SHC4: variants seen among roughly 807,000 people sequenced by gnomAD.
The protein encoded by SHC4 is SHC adaptor protein 4.
SHC4 carries 41 observed loss-of-function variants against 69.4 expected under a neutral mutation model. That is an observed-to-expected ratio of 0.59 (90% CI 0.46 to 0.77). The LOEUF is 0.77. SHC4 is among the 30% of genes least tolerant of loss of function. The pLI, the probability that SHC4 is intolerant of heterozygous loss-of-function variation, is 0.00. For missense variants in SHC4, 777 were observed against 783.8 expected (o/e 0.99, Z 0.10); for synonymous variants, 318 against 299.3 (o/e 1.06, Z -0.64).
chr15:48,894,224 T>C (rs187374423), intron 2 of SHC4, among the ~76,000 whole-genome samples: 33 of 152,284 alleles, frequency 2.2e-4, no homozygotes, highest in African/African-American at 7.5e-4. Context: ...CCTGTGTCAA[T>C]AGTAATATAG....
At chr15:48,917,649 G>A (rs1380306551) in intron 2 of SHC4, among the ~76,000 whole-genome samples, 2 of 152,274 alleles carry the variant, frequency 1.3e-5, no homozygotes, top group East Asian at 3.9e-4. Context: ...AGGAACAACA[G>A]TAAAAGCCAT....
In SHC4 at chr15:48,927,997, T is replaced by C. The variant is rs1335283934; in HGVS notation, c.586-3048A>G. On this transcript the variant is annotated intron_variant, in intron 1 of 11. Transcript: ENST00000332408. Reference sequence around the variant, plus strand: ...TGCCTAGGATCTGGTGGGCACTCGATAAACACTTGTTGAAAGAATGAATGA... The same window carrying C: ...TGCCTAGGATCTGGTGGGCACTCGACAAACACTTGTTGAAAGAATGAATGA... Among the ~76,000 whole-genome samples the C allele has an allele frequency of 3.9e-5, 6 of 152,308 alleles. 1 individual carries two copies. The East Asian group carries it at 1.2e-3, about 29-fold the overall frequency.
intron 9 of SHC4, among the ~76,000 whole-genome samples, chr15:48,845,538 A>C (rs189622050): frequency 1.7e-4 from 26 of 152,316 alleles, no homozygotes; most frequent in Non-Finnish European, 3.2e-4. Flanking sequence ...TGCTTTTACA[A>C]ATGGAAAGTG....
rs139005525 is a variant in SHC4, at chr15:48,928,639, G to A, written c.586-3690C>T. 3.1e-3 allele frequency among the ~76,000 whole-genome samples: 467 copies of A among 152,202 alleles called. 2 individuals are homozygous for A. The highest frequency in any genetic ancestry group is 9.2e-3 in the African/African-American group (380 of 41,520). On this transcript the variant is annotated intron_variant, in intron 1 of 11. Coordinates refer to ENST00000332408, the MANE Select transcript of SHC4 (RefSeq NM_203349.4). ...TTGGGGGTGAGAGGAATTCCTCCAC[G>A]GTGTCGTTCTTAATCACACTTCATG...
chr15:48,924,898 T>A lies in SHC4; in HGVS notation c.637A>T (p.Met213Leu). 6.2e-7 allele frequency: 1 copy of A among 1,614,148 alleles called. No individual in the cohort carries two copies. The highest frequency in any genetic ancestry group is 8.5e-7 in the Non-Finnish European group (1 of 1,179,998). ...LQSMRSLDFG[M>L]RTQVTREAIS... ...TCTTACCTTGTAACTTGGGTTCTCA[T>A]TCCAAAATCCAGTGATCTCATTGAT... Residue 213 changes from methionine (M) to leucine (L), a missense_variant, in exon 2 of 12, where the codon ATG (methionine) becomes TTG (leucine). Met to Leu is a conservative substitution (Grantham distance 15, BLOSUM62 2). Coordinates refer to ENST00000332408, the MANE Select transcript of SHC4 (RefSeq NM_203349.4).
intron 1 of SHC4, among the ~76,000 whole-genome samples, chr15:48,926,608 G>A (rs1037353172): frequency 2.6e-5 from 4 of 151,950 alleles, no homozygotes; most frequent in South Asian, 2.1e-4. Context: ...GATTACAGGC[G>A]CATGCCACTG....
At chr15:48,843,693 A>C in intron 9 of SHC4, 105 bp from the exon 10 acceptor site, 1 of 1,072,198 alleles carries the variant, frequency 9.3e-7, no homozygotes. Context: ...GCCATGCCCC[A>C]CCCTATACAA....
At chr15:48,886,879 T>A (rs1264588045) in intron 3 of SHC4, among the ~76,000 whole-genome samples, 1 of 152,136 alleles carries the variant, frequency 6.6e-6, no homozygotes, top group Non-Finnish European at 1.5e-5. Context: ...AAGAGAAGGC[T>A]GAGGATGGGA....
At chr15:48,957,818 T>G (rs969450560) in intron 1 of SHC4, among the ~76,000 whole-genome samples, 1 of 152,208 alleles carries the variant, frequency 6.6e-6, no homozygotes, top group Non-Finnish European at 1.5e-5. Context: ...GAGTGAGCCC[T>G]AATCCAATGA....
chr15:48,856,124 A>G lies in SHC4; in HGVS notation c.1071T>C (p.Ser357=). 1 of 1,609,424 alleles carries G rather than the reference A, an allele frequency of 6.2e-7. No homozygotes were observed. Among genetic ancestry groups the G allele is most frequent in the Non-Finnish European group, 8.5e-7 (1 of 1,177,778 alleles). Residue 357 remains serine, a splice_region_variant and synonymous_variant, in exon 8 of 12, where the codon AGT becomes AGC. Transcript: ENST00000332408. ...CATGGCTATCAATATGCACCTCCTC[A>G]CTGTGAAGGAAAAAAGAATCCTCAA... The part of the protein sequence containing the change: ...KNPSLNTSCE[S]EEVHIDSHAE...
chr15:48,853,812 AC>A (rs1281953852), intron 8 of SHC4, among the ~76,000 whole-genome samples: 2 of 152,112 alleles, frequency 1.3e-5, no homozygotes, highest in African/African-American at 4.8e-5. Context: ...CTGGGCCCTT[AC>A]TTTTCACCAT....
At chr15:48,838,836 T>C (rs1898943616) in intron 10 of SHC4, among the ~76,000 whole-genome samples, 1 of 152,098 alleles carries the variant, frequency 6.6e-6, no homozygotes, top group African/African-American at 2.4e-5. Flanking sequence ...CAAACATGGA[T>C]AAAATTAAGT....
At position 48,878,623 on chromosome 15, in the gene SHC4, G is replaced by C. The variant is rs556780043; in HGVS notation, c.840+5625C>G. 79 of 1,613,956 alleles carry C rather than the reference G, an allele frequency of 4.9e-5. No individual in the cohort carries two copies. The highest frequency in any genetic ancestry group is 1.3e-4 in the Admixed American group (8 of 60,014). Reference sequence around the variant, plus strand: ...CAGCCCTGGATGGCGGGTTTCAGATGCATTATGAGAAGACCCCGTTTGATC... The same window carrying C: ...CAGCCCTGGATGGCGGGTTTCAGATCCATTATGAGAAGACCCCGTTTGATC... On this transcript the variant is annotated intron_variant, in intron 4 of 11. Coordinates refer to ENST00000332408, the MANE Select transcript of SHC4 (RefSeq NM_203349.4).
At chr15:48,846,876 G>T (rs1401455617) in intron 9 of SHC4, among the ~76,000 whole-genome samples, 4 of 152,036 alleles carry the variant, frequency 2.6e-5, no homozygotes, top group African/African-American at 9.7e-5. Flanking sequence ...CAAAGCGTTA[G>T]CCTGAGCTAA....
chr15:48,957,667 T>C (rs906788221), intron 1 of SHC4, among the ~76,000 whole-genome samples: 1 of 152,232 alleles, frequency 6.6e-6, no homozygotes, highest in Non-Finnish European at 1.5e-5. Flanking sequence ...ATAAATGCTC[T>C]TGGGGACTGT....
At chr15:48,908,792 A>G (rs1209718262) in intron 2 of SHC4, among the ~76,000 whole-genome samples, 2 of 152,128 alleles carry the variant, frequency 1.3e-5, no homozygotes, top group African/African-American at 4.8e-5. Context: ...TCCCAGCACC[A>G]TTTGTTGAAA....
chr15:48,863,455 A>G (rs886509407), intron 6 of SHC4, among the ~76,000 whole-genome samples: 8 of 131,896 alleles, frequency 6.1e-5, no homozygotes, highest in African/African-American at 2.3e-4. Flanking sequence ...CTATGAGTTT[A>G]TTTAATTTGC....
chr15:48,906,128 C>T (rs1399595241), intron 2 of SHC4, among the ~76,000 whole-genome samples: 1 of 152,030 alleles, frequency 6.6e-6, no homozygotes, highest in African/African-American at 2.4e-5. Context: ...TGCCCTAAGT[C>T]CTATAAAAGG....
chr15:48,895,928 T>C (rs940508903), intron 2 of SHC4, among the ~76,000 whole-genome samples: 1 of 151,828 alleles, frequency 6.6e-6, no homozygotes, highest in African/African-American at 2.4e-5. Context: ...CAAAAATATA[T>C]ATATTTTTAA....
Sources: allele counts gnomAD v4.1 joint callset (sites outside exome capture counted in the v4.1 genomes callset), GRCh38; gene constraint gnomAD v4.1.1; transcripts MANE v1.5; gene names NCBI Gene and HGNC (gene_info 2026-07-23, HGNC 2026-07-21).